TBC1D2: variants seen among roughly 807,000 people sequenced by gnomAD.
The protein encoded by TBC1D2 is TBC1 domain family member 2A.
A neutral mutation model predicts 91.1 loss-of-function variants in TBC1D2; 58 were observed. The ratio of observed to expected loss-of-function variants is 0.64; its 90% CI spans 0.52 to 0.79. The LOEUF is 0.79. Ranked by LOEUF, TBC1D2 falls within the 30% of genes least tolerant of loss-of-function variation. The probability of loss-of-function intolerance (pLI) is 0.00; values close to 1 mark genes in which losing one functional copy is unlikely to be tolerated. For missense variants in TBC1D2, 1,080 were observed against 1,208.3 expected, an observed-to-expected ratio of 0.89 and a Z score of 1.57; for synonymous variants, 482 against 511.5, an observed-to-expected ratio of 0.94 and a Z score of 0.78.
At chr9:98,244,248 G>T in intron 2 of TBC1D2, 119 bp from the exon 3 acceptor site, 1 of 1,327,180 alleles carries the variant, frequency 7.5e-7, no homozygotes, top group East Asian at 2.4e-5. Context: ...AGAGTTGCAG[G>T]GGCAAGCAGG....
intron 6 of TBC1D2, among the ~76,000 whole-genome samples, chr9:98,218,436 G>A (rs549974440): frequency 2.2e-4 from 33 of 152,020 alleles, no homozygotes; most frequent in South Asian, 1.0e-3. Context: ...GCATGGTGGC[G>A]GGCACCTGTA....
In TBC1D2 at chr9:98,225,840, G is replaced by A. The variant is rs373242248; in HGVS notation, c.978+3112C>T. On this transcript the variant is annotated intron_variant, in intron 5 of 12. Coordinates refer to ENST00000465784, the MANE Select transcript of TBC1D2 (RefSeq NM_001267571.2). Reference sequence around the variant, plus strand: ...TGCAATGTGCTCTCAAGAGCATCTCGCAGTGTTTGAGATAGAAATTCCTAA... The same window carrying A: ...TGCAATGTGCTCTCAAGAGCATCTCACAGTGTTTGAGATAGAAATTCCTAA... 8.5e-5 allele frequency among the ~76,000 whole-genome samples: 13 copies of A among 152,330 alleles called. No homozygotes were observed. In the East Asian group the frequency reaches 9.6e-4, roughly 11 times the overall value.
chr9:98,254,292 C>T (rs1391195377), intron 1 of TBC1D2, among the ~76,000 whole-genome samples: 2 of 147,342 alleles, frequency 1.4e-5, no homozygotes, highest in African/African-American at 2.7e-5. Context: ...TTGACATTAG[C>T]ACTCTGACCT....
chr9:98,199,443 A>G lies in TBC1D2; in HGVS notation c.2725T>C (p.Ser909Pro). The change falls in exon 13 of 13, where the codon TCC (serine) becomes CCC (proline). Residue 909 changes from serine (S) to proline (P), a missense_variant. By Grantham distance (74) the Ser-to-Pro change is moderately conservative (BLOSUM62 -1). Transcript: ENST00000465784. ...LKAEYLERRA[S>P]RRRAVSEGCA... ...CCCTCGGACACAGCTCTGCGCCGGG[A>G]TGCCCGCCTCTCCAGGTACTCTGCC... The G allele has an allele frequency of 6.2e-7, 1 of 1,613,892 alleles. No homozygotes were observed. Among genetic ancestry groups the G allele is most frequent in the Non-Finnish European group, 8.5e-7 (1 of 1,180,000 alleles).
At chr9:98,223,993 A>G (rs370587156) in intron 5 of TBC1D2, among the ~76,000 whole-genome samples, 22 of 152,186 alleles carry the variant, frequency 1.4e-4, no homozygotes, top group African/African-American at 5.3e-4. Context: ...AGGTCAGGAG[A>G]TCGAGACCAT....
At chr9:98,235,621 CT>C in intron 3 of TBC1D2, 1 of 389,394 alleles carries the variant, frequency 2.6e-6, no homozygotes, top group South Asian at 2.0e-5. Context: ...GAATTATTGT[CT>C]GTTTCTCTAA....
At chr9:98,251,643 C>G in intron 2 of TBC1D2, 142 bp downstream of exon 2, 1 of 1,291,168 alleles carries the variant, frequency 7.7e-7, no homozygotes, top group Admixed American at 3.8e-5. Flanking sequence ...AGCCCAAATT[C>G]TTGCCCTAAC....
intron 3 of TBC1D2, among the ~76,000 whole-genome samples, chr9:98,242,441 CAAAAA>C (rs961264421): frequency 2.6e-5 from 2 of 76,418 alleles, no homozygotes; most frequent in Admixed American, 1.5e-4. Flanking sequence ...ACTCCATCTC[CAAAAA>C]AAAAAAAAAA....
chr9:98,202,184 C>G (rs762636175), intron 10 of TBC1D2, among the ~76,000 whole-genome samples: 1 of 152,220 alleles, frequency 6.6e-6, no homozygotes, highest in Non-Finnish European at 1.5e-5. Context: ...AATGTCCTGC[C>G]TCGCCGGACA....
chr9:98,210,873 C>A, intron 7 of TBC1D2, 30 bp from the exon 8 acceptor site: 1 of 1,539,636 alleles, frequency 6.5e-7, no homozygotes, highest in Non-Finnish European at 8.8e-7. Context: ...GGTCAGGCTA[C>A]CGGGTGGGAG....
chr9:98,213,797 T>A (rs994290814), intron 6 of TBC1D2, among the ~76,000 whole-genome samples: 2 of 152,246 alleles, frequency 1.3e-5, no homozygotes, highest in African/African-American at 4.8e-5. Flanking sequence ...ATAATCCTTT[T>A]CCTGTCATTT....
rs41305493 is a variant in TBC1D2, at chr9:98,208,832, G to A, written c.1986C>T (p.Arg662=). 21,045 of 1,607,666 alleles carry A rather than the reference G, an allele frequency of 0.013. 789 individuals carry two copies. The Admixed American group carries it at 0.14, about 11-fold the overall frequency. The part of the protein sequence containing the change: ...YQELLSRGQA[R]EHPAARQIEL... Reference sequence around the variant, plus strand: ...CAATCTGGCGGGCAGCAGGGTGCTCGCGGGCCTGGCCCCGGCTCAGCAGTT... The same window carrying A: ...CAATCTGGCGGGCAGCAGGGTGCTCACGGGCCTGGCCCCGGCTCAGCAGTT... The change falls in exon 9 of 13, where the codon CGC becomes CGT. Residue 662 remains arginine, a synonymous_variant. Transcript: ENST00000465784.
Position 98,220,915 on chromosome 9 carries a change from T to C in TBC1D2, c.1292A>G (p.His431Arg), listed in dbSNP as rs975776870. Residue 431 changes from histidine (H) to arginine (R), a missense_variant, in exon 6 of 13, where the codon CAC (histidine) becomes CGC (arginine). Coordinates refer to ENST00000465784, the MANE Select transcript of TBC1D2 (RefSeq NM_001267571.2). ...GCGCAAAGGAGACTGGTCAGGGGGG[T>C]GCGTGAAGTCCTGGGTGACCTTCTC... ...LSEKVTQDFT[H>R]PPDQSPLRPD... The C allele has an allele frequency of 3.1e-6, 5 of 1,613,770 alleles. No homozygotes were observed. Among genetic ancestry groups the C allele is most frequent in the African/African-American group, 2.7e-5 (2 of 74,794 alleles).
chr9:98,211,972 A>C (rs765306040), intron 7 of TBC1D2, among the ~76,000 whole-genome samples: 4 of 151,824 alleles, frequency 2.6e-5, no homozygotes, highest in Non-Finnish European at 2.9e-5. Flanking sequence ...TAATTTTTGT[A>C]TTTTTGGTAG....
intron 11 of TBC1D2, 56 bp downstream of exon 11, chr9:98,201,423 G>A: frequency 6.6e-7 from 1 of 1,526,550 alleles, no homozygotes; most frequent in Non-Finnish European, 9.0e-7. Context: ...TCAAGACGCA[G>A]ATGGGTGAAG....
chr9:98,217,232 G>A (rs72603690), intron 6 of TBC1D2, among the ~76,000 whole-genome samples: 11,737 of 152,272 alleles, frequency 0.077, 502 homozygotes, highest in East Asian at 0.14. Flanking sequence ...TCAGAAAAGA[G>A]AAAAGCCACA....
Position 98,225,309 on chromosome 9 carries a change from CCAAA to C in TBC1D2, c.978+3639_978+3642del, listed in dbSNP as rs373274649. ...GCCATCTGGTGCTATCTCCTAGAGC[CCAAA>C]CCTCTTGTGGGGCCAGTGCTGCAGG... On this transcript the variant is annotated intron_variant, in intron 5 of 12. Transcript: ENST00000465784. 1.5e-3 allele frequency among the ~76,000 whole-genome samples: 221 copies of C among 152,338 alleles called. 1 individual carries two copies. Among genetic ancestry groups the C allele is most frequent in the African/African-American group, 5.2e-3 (215 of 41,570 alleles).
In TBC1D2 at chr9:98,219,100, G is replaced by C. The variant is rs536397980; in HGVS notation, c.1374+1733C>G. Among the ~76,000 whole-genome samples the C allele has an allele frequency of 7.9e-5, 12 of 152,296 alleles. No homozygotes were observed. In the South Asian group the frequency reaches 1.9e-3, roughly 24 times the overall value. On this transcript the variant is annotated intron_variant, in intron 6 of 12. Coordinates refer to ENST00000465784, the MANE Select transcript of TBC1D2 (RefSeq NM_001267571.2). The stretch of plus-strand genomic sequence containing the variant: ...TCAGACTAAATAAGGGAAAAGATTC[G>C]GGAACTGGTTATGTGGGTTTTCAGT...
intron 7 of TBC1D2, among the ~76,000 whole-genome samples, chr9:98,212,469 C>G (rs934157292): frequency 6.6e-6 from 1 of 151,770 alleles, no homozygotes; most frequent in African/African-American, 2.4e-5. Flanking sequence ...TCCTTCCTCC[C>G]TTTGGGCCCC....
Sources: gnomAD v4.1 joint callset for allele counts (sites outside exome capture counted in the v4.1 genomes callset) on GRCh38, gnomAD v4.1.1 for gene constraint, MANE v1.5 for transcripts, NCBI Gene and HGNC (gene_info 2026-07-23, HGNC 2026-07-21) for gene names.